RBM5: variants seen among roughly 807,000 people sequenced by gnomAD.
RBM5 encodes the protein RNA binding motif protein 5.
In RBM5, 15 loss-of-function variants were observed where a neutral mutation model predicts 124.6. The ratio of observed to expected loss-of-function variants is 0.12; its 90% CI spans 0.08 to 0.19. The LOEUF is 0.19. Ranked by LOEUF, RBM5 falls within the 10% of genes least tolerant of loss-of-function variation. The pLI is 1.00. For missense variants in RBM5, 580 were observed against 1,026.5 expected (o/e 0.57, Z 5.94); for synonymous variants, 337 against 361.2 (o/e 0.93, Z 0.76).
chr3:50,093,138 CAAA>C (rs556944615), intron 3 of RBM5: 6 of 86,522 alleles, frequency 6.9e-5, no homozygotes, highest in Non-Finnish European at 9.4e-5. Flanking sequence ...GACTCTGTCT[CAAA>C]AAAAAAAAAA....
At chr3:50,102,823 A>G (rs1397951334) in intron 6 of RBM5, 1 of 437,990 alleles carries the variant, frequency 2.3e-6, no homozygotes, top group Admixed American at 4.2e-5. Context: ...CGCTGGAGAC[A>G]CGGCCTGGTG....
chr3:50,118,105 T>C, intron 24 of RBM5: 2 of 574,266 alleles, frequency 3.5e-6, no homozygotes, highest in South Asian at 2.3e-5. Context: ...TGAGCAGGCA[T>C]TGAGGGGTGG....
Position 50,117,517 on chromosome 3 carries a change from A to C in RBM5, c.2322+138A>C. 1.9e-5 allele frequency: 23 copies of C among 1,239,638 alleles called. No homozygotes were observed. The highest frequency in any genetic ancestry group is 2.3e-5 in the Non-Finnish European group (21 of 898,758). 76.8% of individuals were successfully genotyped at this position (1,239,638 alleles called of 1,614,324 possible). A position where few individuals can be genotyped will look rare whatever the true frequency, so the allele number is the denominator to read the frequency against. ...AGGGGCAGATTACAGGCATGAGCTC[A>C]CACCTGTAATCCCAGCACTTTGGGA... is the stretch of plus-strand genomic sequence containing the variant. On this transcript the variant is annotated intron_variant, in intron 24 of 24. Transcript: ENST00000347869. The surrounding 1 kb of genome is among the most constrained non-coding windows in gnomAD (Gnocchi z 4.2).
intron 12 of RBM5, 149 bp from the exon 13 acceptor site, chr3:50,107,921 G>C: frequency 1.5e-6 from 1 of 679,590 alleles, no homozygotes; most frequent in South Asian, 1.7e-5. Context: ...CCTGACCTCA[G>C]GTGATCCACC....
rs970950301 is a variant in RBM5, at chr3:50,118,644, G to C, written c.*188G>C. ...CCCTTATGTGGGTTGCCTGGTGAAT[G>C]GCCTTCCTTCCCGCCAGAGGGCTTG... On this transcript the variant is annotated 3_prime_UTR_variant, in exon 25 of 25. Coordinates refer to ENST00000347869, the MANE Select transcript of RBM5 (RefSeq NM_005778.4). 4.5e-6 allele frequency: 4 copies of C among 882,788 alleles called. No individual in the cohort carries two copies. Among genetic ancestry groups the C allele is most frequent in the African/African-American group, 1.7e-5 (1 of 59,252 alleles). The allele number at this position is 882,788 out of a possible 1,614,324, so 54.7% of individuals were successfully genotyped here.
At chr3:50,106,698 A>C in intron 10 of RBM5, 69 bp from the exon 11 acceptor site, 17 of 1,104,346 alleles carry the variant, frequency 1.5e-5, no homozygotes, top group Non-Finnish European at 2.2e-5. Flanking sequence ...TACTTCTTTG[A>C]ATGGGGTGGA....
chr3:50,090,589 C>G (rs570204615), intron 2 of RBM5, 138 bp downstream of exon 2: 271 of 952,898 alleles, frequency 2.8e-4, no homozygotes, highest in Non-Finnish European at 4.2e-4. Context: ...ATCCTGTTGT[C>G]ACAAACTACA....
intron 10 of RBM5, among the ~76,000 whole-genome samples, chr3:50,106,364 TCAC>T (rs1333865349): frequency 6.6e-6 from 1 of 151,806 alleles, no homozygotes; most frequent in African/African-American, 2.4e-5. Context: ...ATGGTCTTGA[TCAC>T]CACCTCTGCC....
chr3:50,111,029 C>G (rs953213745), intron 17 of RBM5: 13 of 472,636 alleles, frequency 2.8e-5, no homozygotes, highest in African/African-American at 5.9e-5. Flanking sequence ...TTATACATGT[C>G]TATACATTTG....
intron 17 of RBM5, among the ~76,000 whole-genome samples, chr3:50,111,410 G>T (rs1173725753): frequency 6.6e-6 from 1 of 151,988 alleles, no homozygotes; most frequent in East Asian, 1.9e-4. Flanking sequence ...TGTCTCTATG[G>T]ATTTGCTTTT....
intron 1 of RBM5, among the ~76,000 whole-genome samples, chr3:50,089,493 A>C (rs1331786426): frequency 6.6e-6 from 1 of 152,222 alleles, no homozygotes; most frequent in Non-Finnish European, 1.5e-5. Context: ...CGGACGCTGG[A>C]GTCGGTCGAG....
In RBM5 at chr3:50,100,045, A is replaced by G; in HGVS notation, c.403A>G (p.Lys135Glu). 6.2e-7 allele frequency: 1 copy of G among 1,613,754 alleles called. No homozygotes were observed. The change falls in exon 5 of 25, where the codon AAA (lysine) becomes GAA (glutamate). Residue 135 changes from lysine to glutamate, a missense_variant. This residue lies in a region of RBM5 where 101 missense variants were observed against 223.2 expected (regional missense o/e 0.45). Coordinates refer to ENST00000347869, the MANE Select transcript of RBM5 (RefSeq NM_005778.4). The surrounding 1 kb of genome is among the most constrained non-coding windows in gnomAD (Gnocchi z 5.1). The stretch of plus-strand genomic sequence containing the variant: ...TGCGGATGTGAGGCTGATGAAGAGG[A>G]AAACAGGTGAGAGCTTGCTTAGTTC... ...QPADVRLMKR[K>E]TGVSRGFAFV...
In RBM5 at chr3:50,109,752, G is replaced by T. The variant is rs562455489; in HGVS notation, c.1278+64G>T. 4.6e-6 allele frequency: 6 copies of T among 1,317,922 alleles called. No homozygotes were observed. In the African/African-American group the frequency reaches 8.7e-5, roughly 19 times the overall value. 81.6% of individuals were successfully genotyped at this position (1,317,922 alleles called of 1,614,324 possible). ...GGGGAAATTTTGTTTTGCTATACAA[G>T]TATTACCCTTTCCTGTTGTATGAGC... On this transcript the variant is annotated intron_variant, in intron 15 of 24. Transcript: ENST00000347869.
At chr3:50,089,379 A>T (rs2090658965) in intron 1 of RBM5, among the ~76,000 whole-genome samples, 1 of 152,182 alleles carries the variant, frequency 6.6e-6, no homozygotes, top group Admixed American at 6.5e-5. Flanking sequence ...TCCCCCGCTC[A>T]ACTGCAACTG....
chr3:50,113,124 G>A (rs779306424), intron 17 of RBM5: 16 of 272,666 alleles, frequency 5.9e-5, no homozygotes, highest in Non-Finnish European at 9.1e-5. Flanking sequence ...AAAGTGCTAG[G>A]ATTACGGGCA....
intron 3 of RBM5, among the ~76,000 whole-genome samples, 191 bp from the exon 4 acceptor site, chr3:50,093,529 C>T (rs1356142175): frequency 6.6e-6 from 1 of 151,224 alleles, no homozygotes; most frequent in African/African-American, 2.4e-5. Flanking sequence ...CATTTGAGGC[C>T]AGGAGTTCAG....
At chr3:50,098,729 A>G (rs565247065) in intron 4 of RBM5, among the ~76,000 whole-genome samples, 1 of 152,176 alleles carries the variant, frequency 6.6e-6, no homozygotes. Flanking sequence ...GGCGTGAGCC[A>G]CTATGCGAGG....
At chr3:50,110,182 G>A (rs1036549489) in intron 15 of RBM5, among the ~76,000 whole-genome samples, 197 bp from the exon 16 acceptor site, 1 of 152,220 alleles carries the variant, frequency 6.6e-6, no homozygotes, top group South Asian at 2.1e-4. Context: ...CTGCAGTCCA[G>A]TTTGGGCAAC....
chr3:50,106,699 A>G, intron 10 of RBM5, 68 bp from the exon 11 acceptor site: 1 of 1,106,546 alleles, frequency 9.0e-7, no homozygotes, highest in South Asian at 1.3e-5. Flanking sequence ...ACTTCTTTGA[A>G]TGGGGTGGAT....
Sources: allele counts gnomAD v4.1 joint callset (sites outside exome capture counted in the v4.1 genomes callset), GRCh38; gene constraint gnomAD v4.1.1; regional missense constraint gnomAD v4.1.1; non-coding constraint Gnocchi (gnomAD v3.1); transcripts MANE v1.5; gene names NCBI Gene and HGNC (gene_info 2026-07-23, HGNC 2026-07-21).